PTPRN2: variants seen among roughly 807,000 people sequenced by gnomAD.
The protein encoded by PTPRN2 is receptor-type tyrosine-protein phosphatase N2.
A neutral mutation model predicts 118.8 loss-of-function variants in PTPRN2; 74 were observed. The observed-to-expected ratio is 0.62, with a 90% CI of 0.52 to 0.76. PTPRN2 has a LOEUF of 0.76. PTPRN2 is among the 30% of genes least tolerant of loss of function. The pLI is 0.00. For synonymous variants in PTPRN2, 641 were observed against 608.0 expected, an observed-to-expected ratio of 1.05 and a Z score of -0.80; for missense variants, 1,481 against 1,394.4, an observed-to-expected ratio of 1.06 and a Z score of -0.99.
In PTPRN2 at chr7:157,622,489, C is replaced by A. The variant is rs1478459980; in HGVS notation, c.2197-980G>T. Among the ~76,000 whole-genome samples, 1 of 152,110 alleles carries A rather than the reference C, an allele frequency of 6.6e-6. No homozygotes were observed. The highest frequency in any genetic ancestry group is 1.5e-5 in the Non-Finnish European group (1 of 68,032). ...GATGGTCCCTCCCTGCCCACTGGGG[C>A]CCGTTCCAGGAGACAGGTAGAGAAA... is the stretch of plus-strand genomic sequence containing the variant. On this transcript the variant is annotated intron_variant, in intron 14 of 22. Coordinates refer to ENST00000389418, the MANE Select transcript of PTPRN2 (RefSeq NM_002847.5). The surrounding 1 kb of genome is among the most constrained non-coding windows in gnomAD (Gnocchi z 5.3).
chr7:157,786,678 G>C (rs372632238), intron 12 of PTPRN2, among the ~76,000 whole-genome samples: 1 of 152,252 alleles, frequency 6.6e-6, no homozygotes, highest in Non-Finnish European at 1.5e-5. Context: ...GGCCACATCC[G>C]TGCAGAAAGC....
chr7:158,464,582 C>T (rs929457839), intron 2 of PTPRN2, among the ~76,000 whole-genome samples: 3 of 151,344 alleles, frequency 2.0e-5, no homozygotes, highest in Non-Finnish European at 2.9e-5. Flanking sequence ...TCATCATCAC[C>T]GTCATCATCC....
Position 157,794,310 on chromosome 7 carries a change from T to C in PTPRN2, c.1788+104363A>G, listed in dbSNP as rs142160210. Among the ~76,000 whole-genome samples, 573 of 149,404 alleles carry C rather than the reference T, an allele frequency of 3.8e-3. 21 individuals carry two copies. The South Asian group carries it at 0.056, about 15-fold the overall frequency. On this transcript the variant is annotated intron_variant, in intron 12 of 22. Coordinates refer to ENST00000389418, the MANE Select transcript of PTPRN2 (RefSeq NM_002847.5). This position sits in a 1 kb window ranked among gnomAD's most constrained non-coding sequence, Gnocchi z 5.2. ...TCACACCTCCCCTCGTTCTCTGCTC[T>C]GACCCGGGCTCACACCTCCCTGCTC...
intron 11 of PTPRN2, among the ~76,000 whole-genome samples, chr7:157,918,865 C>T (rs944166591): frequency 4.6e-5 from 7 of 152,218 alleles, no homozygotes; most frequent in South Asian, 2.1e-4. Context: ...GGCCTGACGG[C>T]GGCCATCCTC....
intron 11 of PTPRN2, among the ~76,000 whole-genome samples, chr7:157,900,078 G>A (rs1797354652): frequency 6.6e-6 from 1 of 152,316 alleles, no homozygotes; most frequent in South Asian, 2.1e-4. Context: ...AACCACCCTG[G>A]TCACTGCTGC....
intron 1 of PTPRN2, among the ~76,000 whole-genome samples, chr7:158,495,877 A>T (rs1821805397): frequency 6.6e-6 from 1 of 152,052 alleles, no homozygotes; most frequent in South Asian, 2.1e-4. Context: ...CTCAAATGAA[A>T]GCTGTGATTG....
intron 2 of PTPRN2, among the ~76,000 whole-genome samples, chr7:158,337,512 C>CT (rs1805892050): frequency 7.8e-6 from 1 of 128,762 alleles, no homozygotes. Flanking sequence ...CGCACCCACA[C>CT]TCTCACCATA....
At chr7:158,191,383 C>T (rs1003507582) in intron 5 of PTPRN2, among the ~76,000 whole-genome samples, 1 of 152,102 alleles carries the variant, frequency 6.6e-6, no homozygotes, top group Non-Finnish European at 1.5e-5. Context: ...ATGTAACTAA[C>T]GTTTGGCAGA....
At chr7:157,740,796 C>T (rs1370057605) in intron 12 of PTPRN2, among the ~76,000 whole-genome samples, 2 of 152,328 alleles carry the variant, frequency 1.3e-5, no homozygotes, top group South Asian at 4.1e-4. Flanking sequence ...CCCTGGCCCA[C>T]GGGATCCCAG....
intron 12 of PTPRN2, among the ~76,000 whole-genome samples, chr7:157,741,377 G>C (rs535887290): frequency 6.6e-6 from 1 of 152,320 alleles, no homozygotes; most frequent in South Asian, 2.1e-4. Context: ...ATTGCCTGTG[G>C]ACCTCCCTCC....
chr7:158,459,951 T>C (rs1818855818), intron 2 of PTPRN2, among the ~76,000 whole-genome samples: 1 of 84,142 alleles, frequency 1.2e-5, no homozygotes, highest in Non-Finnish European at 2.5e-5. Flanking sequence ...CTACAGTGCC[T>C]GTGTGCCGTC....
At chr7:158,440,701 G>T (rs905063924) in intron 2 of PTPRN2, among the ~76,000 whole-genome samples, 1 of 147,174 alleles carries the variant, frequency 6.8e-6, no homozygotes, top group South Asian at 2.2e-4. Flanking sequence ...ATGGTGATAG[G>T]GGTGGATAGT....
rs144669500 is a variant in PTPRN2, at chr7:157,754,642, T to TG, written c.1789-71706dup. On this transcript the variant is annotated intron_variant, in intron 12 of 22. Transcript: ENST00000389418. Reference sequence around the variant, plus strand: ...GCTCCGGCTGGAAAGGTGCCCAGTCTGGGGGGGCCCTTCTCAAGGGATCTT... The same window carrying TG: ...GCTCCGGCTGGAAAGGTGCCCAGTCTGGGGGGGGCCCTTCTCAAGGGATCTT... Among the ~76,000 whole-genome samples the TG allele has an allele frequency of 4.9e-3, 748 of 152,264 alleles. 18 individuals are homozygous for TG. The East Asian group carries it at 0.094, about 19-fold the overall frequency.
chr7:157,734,485 T>C (rs1203654591), intron 12 of PTPRN2, among the ~76,000 whole-genome samples: 2 of 152,210 alleles, frequency 1.3e-5, no homozygotes, highest in Non-Finnish European at 2.9e-5. Flanking sequence ...AGTCTACCTT[T>C]AAGGTAAATT....
At chr7:157,642,022 T>C (rs1314368133) in intron 14 of PTPRN2, among the ~76,000 whole-genome samples, 1 of 152,138 alleles carries the variant, frequency 6.6e-6, no homozygotes, top group Non-Finnish European at 1.5e-5. Context: ...AACACAGCTG[T>C]CTTCACCGAC....
chr7:157,704,094 T>C (rs1008897957), intron 12 of PTPRN2, among the ~76,000 whole-genome samples: 1 of 152,182 alleles, frequency 6.6e-6, no homozygotes, highest in African/African-American at 2.4e-5. Context: ...AGATTCCTGT[T>C]TCTACTCACA....
chr7:158,112,607 G>T lies in PTPRN2; in HGVS notation c.1557-1692C>A, dbSNP rs531836399. On this transcript the variant is annotated intron_variant, in intron 9 of 22. Coordinates refer to ENST00000389418, the MANE Select transcript of PTPRN2 (RefSeq NM_002847.5). Reference sequence around the variant, plus strand: ...AGAAGCCCCAGGAAGGCCCAGCTGGGAGTGGTGCTGACAGAGTCAGGAGTT... The same window carrying T: ...AGAAGCCCCAGGAAGGCCCAGCTGGTAGTGGTGCTGACAGAGTCAGGAGTT... 4.2e-4 allele frequency among the ~76,000 whole-genome samples: 64 copies of T among 152,360 alleles called. 1 individual carries two copies. In the South Asian group the frequency reaches 0.013, roughly 30 times the overall value.
At chr7:157,916,934 A>G (rs1798433933) in intron 11 of PTPRN2, among the ~76,000 whole-genome samples, 1 of 124,808 alleles carries the variant, frequency 8.0e-6, no homozygotes. Context: ...CCACTCCGGG[A>G]CACGTCCAAC....
At chr7:158,071,663 CGTGGTGGTGGAGGTG>C (rs1811761959) in intron 11 of PTPRN2, among the ~76,000 whole-genome samples, 1 of 78,620 alleles carries the variant, frequency 1.3e-5, no homozygotes. Flanking sequence ...TGGAGGTGCT[CGTGGTGGTGGAGGTG>C]CTCCTGGTGG....
Sources: gnomAD v4.1 joint callset for allele counts (sites outside exome capture counted in the v4.1 genomes callset) on GRCh38, gnomAD v4.1.1 for gene constraint, Gnocchi (gnomAD v3.1) non-coding constraint, MANE v1.5 for transcripts, NCBI Gene and HGNC (gene_info 2026-07-23, HGNC 2026-07-21) for gene names.